Variants in APP observed in about 807,000 individuals in gnomAD.
The protein encoded by APP is amyloid-beta precursor protein.
A neutral mutation model predicts 101.4 loss-of-function variants in APP; 31 were observed. The observed-to-expected ratio is 0.31, with a 90% CI of 0.23 to 0.41. The LOEUF (loss-of-function observed/expected upper bound fraction) is 0.41. APP is among the 10% of genes least tolerant of loss of function. The pLI, the probability that APP is intolerant of heterozygous loss-of-function variation, is 1.00. For synonymous variants in APP, 366 were observed against 364.4 expected (o/e 1.00, Z -0.05); for missense variants, 839 against 1,003.7 (o/e 0.84, Z 2.22).
intron 6 of APP, among the ~76,000 whole-genome samples, chr21:26,006,492 G>C (rs994603553): frequency 6.6e-6 from 1 of 152,102 alleles, no homozygotes; most frequent in Non-Finnish European, 1.5e-5. Flanking sequence ...ATTTGTGCTC[G>C]TGTCAACGCT....
intron 16 of APP, among the ~76,000 whole-genome samples, chr21:25,895,792 C>A (rs939384919): frequency 2.6e-5 from 4 of 152,154 alleles, no homozygotes; most frequent in African/African-American, 9.7e-5. Flanking sequence ...AAAAGCAAAT[C>A]ATTAATTAGC....
chr21:26,077,864 A>C (rs2061527671), intron 3 of APP, among the ~76,000 whole-genome samples: 1 of 152,166 alleles, frequency 6.6e-6, no homozygotes, highest in Admixed American at 6.6e-5. Context: ...GGGAATGTTT[A>C]ATGAAACCAC....
chr21:26,094,021 C>T (rs1006355514), intron 2 of APP, among the ~76,000 whole-genome samples: 3 of 150,864 alleles, frequency 2.0e-5, no homozygotes, highest in African/African-American at 7.3e-5. Context: ...GAGGCTGAGG[C>T]AGGAGAATCG....
chr21:25,989,673 C>T (rs572923995), intron 8 of APP, among the ~76,000 whole-genome samples: 91 of 152,098 alleles, frequency 6.0e-4, no homozygotes, highest in Non-Finnish European at 1.1e-3. Context: ...TCTCTACAGC[C>T]TTGGTAACAG....
At chr21:26,127,450 T>A (rs1302055180) in intron 1 of APP, among the ~76,000 whole-genome samples, 1 of 152,222 alleles carries the variant, frequency 6.6e-6, no homozygotes, top group East Asian at 1.9e-4. Context: ...ATAGGTTACA[T>A]AAATCAAAAG....
intron 5 of APP, among the ~76,000 whole-genome samples, chr21:26,029,685 T>C (rs1432281320): frequency 6.6e-6 from 1 of 152,120 alleles, no homozygotes; most frequent in Non-Finnish European, 1.5e-5. Flanking sequence ...GAATGGCAAG[T>C]CAGCAGTGGC....
At chr21:26,005,004 A>G (rs1204144561) in intron 6 of APP, among the ~76,000 whole-genome samples, 1 of 152,206 alleles carries the variant, frequency 6.6e-6, no homozygotes, top group African/African-American at 2.4e-5. Flanking sequence ...ATGGCTGCAT[A>G]GTATTTCATG....
intron 14 of APP, among the ~76,000 whole-genome samples, chr21:25,906,633 A>G (rs1305123503): frequency 6.6e-6 from 1 of 152,230 alleles, no homozygotes. Flanking sequence ...TCCCAAATAC[A>G]TTTCGACAAT....
At chr21:26,043,513 G>A (rs954408919) in intron 5 of APP, among the ~76,000 whole-genome samples, 2 of 151,820 alleles carry the variant, frequency 1.3e-5, no homozygotes, top group African/African-American at 2.4e-5. Flanking sequence ...TTACAGGCAT[G>A]AGCCACCATG....
At chr21:26,049,557 G>A (rs1463875036) in intron 5 of APP, among the ~76,000 whole-genome samples, 2 of 152,190 alleles carry the variant, frequency 1.3e-5, no homozygotes, top group Non-Finnish European at 2.9e-5. Flanking sequence ...TGATGTTACA[G>A]CATGAATAAG....
At chr21:25,900,378 C>CAAA (rs60231150) in intron 15 of APP, among the ~76,000 whole-genome samples, 30 of 59,458 alleles carry the variant, frequency 5.0e-4, no homozygotes, top group East Asian at 1.5e-3. Flanking sequence ...ACTAAAAATA[C>CAAA]AAAAAAAAAA....
chr21:25,881,468 A>G lies in APP; in HGVS notation c.*202T>C, dbSNP rs1219056706. ...AATGTAGTATAGAGACCAAAATGTA[A>G]AGAGAGATAGAATACATTACTGATG... On this transcript the variant is annotated 3_prime_UTR_variant, in exon 18 of 18. Transcript: ENST00000346798. 2 of 646,384 alleles carry G rather than the reference A, an allele frequency of 3.1e-6. No individual in the cohort carries two copies. The highest frequency in any genetic ancestry group is 2.8e-5 in the East Asian group (1 of 36,238). The allele number at this position is 646,384 out of a possible 1,614,324, so 40.0% of individuals were successfully genotyped here.
chr21:26,132,261 TG>T (rs1180685700), intron 1 of APP, among the ~76,000 whole-genome samples: 1 of 152,176 alleles, frequency 6.6e-6, no homozygotes. Flanking sequence ...ATATGGTGTT[TG>T]GGACTCACTA....
intron 6 of APP, among the ~76,000 whole-genome samples, chr21:26,006,456 T>C (rs1012970318): frequency 2.0e-5 from 3 of 152,232 alleles, no homozygotes; most frequent in African/African-American, 7.2e-5. Context: ...ACGCATTTTA[T>C]CTTTGTAAGG....
chr21:26,144,414 T>A (rs1320303053), intron 1 of APP, among the ~76,000 whole-genome samples: 1 of 152,234 alleles, frequency 6.6e-6, no homozygotes, highest in African/African-American at 2.4e-5. Flanking sequence ...TAATACATTA[T>A]TCCTGATACA....
chr21:26,063,195 G>C (rs1261871284), intron 3 of APP, among the ~76,000 whole-genome samples: 1 of 152,184 alleles, frequency 6.6e-6, no homozygotes, highest in African/African-American at 2.4e-5. Flanking sequence ...TAATACGTTA[G>C]AGTAGGAAAC....
intron 5 of APP, among the ~76,000 whole-genome samples, chr21:26,025,849 G>A (rs1385680991): frequency 1.3e-5 from 2 of 152,200 alleles, no homozygotes; most frequent in Non-Finnish European, 2.9e-5. Context: ...ATTAAATTTA[G>A]ATGTCCATGA....
At chr21:25,928,342 A>AAAACAAAC (rs61188136) in intron 13 of APP, among the ~76,000 whole-genome samples, 17,933 of 148,996 alleles carry the variant, frequency 0.12, 2,084 homozygotes, top group African/African-American at 0.29. Context: ...ACTCCATCTC[A>AAAACAAAC]AAACAAACAA....
At chr21:26,170,448 G>A in intron 1 of APP, 116 bp downstream of exon 1, 1 of 1,102,324 alleles carries the variant, frequency 9.1e-7, no homozygotes, top group Non-Finnish European at 1.3e-6. Context: ...GGAGAGGAGA[G>A]GGGTCCCATT....
Sources: allele counts gnomAD v4.1 joint callset (sites outside exome capture counted in the v4.1 genomes callset), GRCh38; gene constraint gnomAD v4.1.1; transcripts MANE v1.5; gene names NCBI Gene and HGNC (gene_info 2026-07-23, HGNC 2026-07-21).